The following SLIT3 variants were observed in gnomAD, a reference collection of about 807,000 sequenced individuals.
The protein encoded by SLIT3 is slit guidance ligand 3, also known as slit homolog 3 protein.
Under a neutral mutation model 184.0 loss-of-function variants are expected in SLIT3, and 68 were observed. The observed-to-expected ratio is 0.37, with a 90% CI of 0.30 to 0.45. The LOEUF (loss-of-function observed/expected upper bound fraction) is 0.45, where lower values mean the gene tolerates loss of function less well. SLIT3 is among the 20% of genes least tolerant of loss of function. The probability of loss-of-function intolerance (pLI) is 1.00; values close to 1 mark genes in which losing one functional copy is unlikely to be tolerated. For synonymous variants in SLIT3, 831 were observed against 828.6 expected (o/e 1.00, Z -0.05); for missense variants, 1,707 against 2,026.0 (o/e 0.84, Z 3.02).
In SLIT3 at chr5:169,151,223, C is replaced by A. The variant is rs560525170; in HGVS notation, c.413+42256G>T. On this transcript the variant is annotated intron_variant, in intron 4 of 35. Transcript: ENST00000519560. ...CTTGCCTTGACCATCTCTCTCTCAGCACAGCAGGTGGCCCTTTCATTAAAT... is the reference window on the plus strand; with the variant it reads ...CTTGCCTTGACCATCTCTCTCTCAGAACAGCAGGTGGCCCTTTCATTAAAT... Among the ~76,000 whole-genome samples the A allele has an allele frequency of 1.8e-4, 27 of 152,270 alleles. No individual in the cohort carries two copies. The South Asian group carries it at 5.4e-3, about 30-fold the overall frequency.
At chr5:169,005,972 T>TA (rs1368836821) in intron 4 of SLIT3, among the ~76,000 whole-genome samples, 17 of 152,224 alleles carry the variant, frequency 1.1e-4, no homozygotes, top group Admixed American at 3.9e-4. Context: ...ATTCAACAGG[T>TA]ATTTGCTGTC....
chr5:169,122,254 T>C (rs1373064682), intron 4 of SLIT3, among the ~76,000 whole-genome samples: 1 of 152,166 alleles, frequency 6.6e-6, no homozygotes, highest in African/African-American at 2.4e-5. Context: ...CAAGCCAAGG[T>C]CTCAGACCAC....
intron 4 of SLIT3, among the ~76,000 whole-genome samples, chr5:168,961,228 T>C (rs1187917802): frequency 6.6e-6 from 1 of 152,178 alleles, no homozygotes; most frequent in East Asian, 1.9e-4. Flanking sequence ...ACATAATTAC[T>C]AAAGACTACA....
chr5:168,966,578 C>T (rs371590816), intron 4 of SLIT3, among the ~76,000 whole-genome samples: 1 of 152,170 alleles, frequency 6.6e-6, no homozygotes, highest in Non-Finnish European at 1.5e-5. Flanking sequence ...ACATATTACA[C>T]CTGGTGGTGA....
At chr5:168,752,382 C>CCCCTGAAG (rs1178026157) in intron 18 of SLIT3, 1 of 145,518 alleles carries the variant, frequency 6.9e-6, no homozygotes, top group Non-Finnish European at 1.4e-5. Context: ...CTCAACAAAG[C>CCCCTGAAG]CCCTGGTTTT....
intron 22 of SLIT3, 49 bp from the exon 23 acceptor site, chr5:168,722,376 A>T (rs200356352): frequency 6.7e-7 from 1 of 1,491,626 alleles, no homozygotes; most frequent in African/African-American, 1.4e-5. Context: ...ATTCTCTACC[A>T]TGCATAGGTG....
chr5:169,172,968 G>A (rs530679699), intron 4 of SLIT3, among the ~76,000 whole-genome samples: 93 of 152,220 alleles, frequency 6.1e-4, no homozygotes, highest in Non-Finnish European at 1.1e-3. Context: ...GAGGTGGAGA[G>A]ATGAGCAATG....
At chr5:169,192,440 T>C in intron 4 of SLIT3, among the ~76,000 whole-genome samples, 1 of 152,018 alleles carries the variant, frequency 6.6e-6, no homozygotes, top group Non-Finnish European at 1.5e-5. Flanking sequence ...TGTGTGTGTG[T>C]GTGTGTGTGT....
At chr5:168,925,665 A>T (rs779229158) in intron 4 of SLIT3, among the ~76,000 whole-genome samples, 40 of 109,672 alleles carry the variant, frequency 3.6e-4, no homozygotes, top group Admixed American at 9.5e-4. Context: ...CTGCCCTGTT[A>T]AAAAAAAAAA....
chr5:169,279,031 A>G (rs930858973), intron 1 of SLIT3, among the ~76,000 whole-genome samples: 1 of 152,214 alleles, frequency 6.6e-6, no homozygotes, highest in Admixed American at 6.5e-5. Context: ...GTAAGGTGGT[A>G]TTATCTCATG....
chr5:168,804,265 G>GTGTCAT (rs1756872846), intron 9 of SLIT3, among the ~76,000 whole-genome samples: 1 of 118,898 alleles, frequency 8.4e-6, no homozygotes, highest in Admixed American at 1.2e-4. Flanking sequence ...AGCCAAGATT[G>GTGTCAT]TGTCATTGTA....
chr5:169,135,874 C>A (rs2113328494), intron 4 of SLIT3, among the ~76,000 whole-genome samples: 1 of 152,278 alleles, frequency 6.6e-6, no homozygotes, highest in East Asian at 1.9e-4. Flanking sequence ...CCCCAAGGAA[C>A]CTGAGAAGAA....
chr5:168,775,304 T>G (rs1755705062), intron 12 of SLIT3, among the ~76,000 whole-genome samples: 1 of 152,210 alleles, frequency 6.6e-6, no homozygotes, highest in Non-Finnish European at 1.5e-5. Context: ...TCCAAAGTGC[T>G]GGGATTACAG....
chr5:168,963,571 T>C (rs1207709474), intron 4 of SLIT3, among the ~76,000 whole-genome samples: 1 of 152,232 alleles, frequency 6.6e-6, no homozygotes, highest in African/African-American at 2.4e-5. Flanking sequence ...AAATATTTAC[T>C]ATCTGCTGTG....
chr5:168,932,661 T>C (rs79238392), intron 4 of SLIT3, among the ~76,000 whole-genome samples: 6,374 of 152,252 alleles, frequency 0.042, 229 homozygotes, highest in African/African-American at 0.093. Context: ...TGCGGTCAGA[T>C]CCCAGCAACT....
At chr5:169,090,486 G>A (rs1243353976) in intron 4 of SLIT3, among the ~76,000 whole-genome samples, 1 of 152,248 alleles carries the variant, frequency 6.6e-6, no homozygotes, top group Non-Finnish European at 1.5e-5. Flanking sequence ...GGCCAGGATC[G>A]GCAGGCCTTG....
intron 5 of SLIT3, among the ~76,000 whole-genome samples, chr5:168,852,332 T>A (rs538255267): frequency 1.1e-3 from 161 of 152,258 alleles, no homozygotes; most frequent in Non-Finnish European, 1.9e-3. Context: ...TGAGGTAGTT[T>A]TTTTCTTTTT....
intron 4 of SLIT3, among the ~76,000 whole-genome samples, chr5:169,130,825 T>C (rs1040807925): frequency 6.6e-6 from 1 of 152,226 alleles, no homozygotes; most frequent in African/African-American, 2.4e-5. Context: ...AGACTGATCA[T>C]GTGTCAGCAT....
chr5:168,987,724 T>G (rs1321257112), intron 4 of SLIT3, among the ~76,000 whole-genome samples: 1 of 152,264 alleles, frequency 6.6e-6, no homozygotes, highest in Non-Finnish European at 1.5e-5. Context: ...TGTGGTTACC[T>G]GTACTTTCCC....
Sources: gnomAD v4.1 joint callset for allele counts (sites outside exome capture counted in the v4.1 genomes callset) on GRCh38, gnomAD v4.1.1 for gene constraint, MANE v1.5 for transcripts, NCBI Gene and HGNC (gene_info 2026-07-23, HGNC 2026-07-21) for gene names.